Variants in MYO3A observed in about 807,000 individuals in gnomAD.
The protein encoded by MYO3A is myosin IIIA.
In MYO3A, 180 loss-of-function variants were observed where a neutral mutation model predicts 192.7. The observed-to-expected ratio is 0.93, with a 90% confidence interval of 0.83 to 1.06. MYO3A has a LOEUF of 1.06. MYO3A is among the 50% of genes least tolerant of loss of function. The pLI is 0.00. For missense variants in MYO3A, 1,896 were observed against 1,905.0 expected (o/e 1.00, Z 0.09); for synonymous variants, 628 against 645.3 (o/e 0.97, Z 0.41).
At chr10:26,091,404 T>C (rs1225882281) in intron 15 of MYO3A, among the ~76,000 whole-genome samples, 1 of 152,220 alleles carries the variant, frequency 6.6e-6, no homozygotes, top group East Asian at 1.9e-4. Flanking sequence ...TAAAAGAGGC[T>C]ACTTAATTTC....
At chr10:26,159,203 G>A (rs1011831408) in intron 26 of MYO3A, among the ~76,000 whole-genome samples, 4 of 150,940 alleles carry the variant, frequency 2.7e-5, no homozygotes, top group African/African-American at 9.7e-5. Context: ...TTTTAGCCAG[G>A]ATGGTCTCCA....
chr10:25,985,864 TACCAAA>T (rs1403585109), intron 4 of MYO3A, among the ~76,000 whole-genome samples: 1 of 152,140 alleles, frequency 6.6e-6, no homozygotes, highest in Non-Finnish European at 1.5e-5. Flanking sequence ...ATCACCCTAA[TACCAAA>T]ACCAGGGTAG....
intron 4 of MYO3A, among the ~76,000 whole-genome samples, chr10:25,955,438 G>A (rs542331009): frequency 6.6e-5 from 10 of 152,194 alleles, no homozygotes; most frequent in African/African-American, 1.9e-4. Flanking sequence ...TGTCTTTATT[G>A]AATGCTAATG....
chr10:26,206,772 G>T (rs1397239671), intron 34 of MYO3A, among the ~76,000 whole-genome samples: 1 of 152,132 alleles, frequency 6.6e-6, no homozygotes, highest in Non-Finnish European at 1.5e-5. Context: ...TTAAGGAACT[G>T]CCATACTGTT....
At chr10:26,142,818 C>G (rs1840238859) in intron 20 of MYO3A, among the ~76,000 whole-genome samples, 1 of 152,106 alleles carries the variant, frequency 6.6e-6, no homozygotes, top group Non-Finnish European at 1.5e-5. Flanking sequence ...GAAAGTATAC[C>G]TCTAAGATGT....
intron 14 of MYO3A, among the ~76,000 whole-genome samples, chr10:26,082,505 G>A (rs1419546459): frequency 6.6e-6 from 1 of 152,064 alleles, no homozygotes; most frequent in African/African-American, 2.4e-5. Context: ...TTACAGGTAG[G>A]ATCATGTTAT....
At chr10:25,957,258 A>C (rs1837612974) in intron 4 of MYO3A, among the ~76,000 whole-genome samples, 2 of 152,040 alleles carry the variant, frequency 1.3e-5, no homozygotes, top group South Asian at 4.1e-4. Flanking sequence ...TGGTATTCTC[A>C]TGATAGTGAA....
chr10:26,166,261 G>A, intron 27 of MYO3A, 83 bp downstream of exon 27: 1 of 1,207,002 alleles, frequency 8.3e-7, no homozygotes, highest in Non-Finnish European at 1.2e-6. Context: ...ATGTTTGAAA[G>A]TATGGTTTTT....
intron 8 of MYO3A, chr10:26,022,617 G>GA (rs909458877): frequency 6.6e-6 from 1 of 152,078 alleles, no homozygotes; most frequent in Non-Finnish European, 1.5e-5. Context: ...GAAAAGAATG[G>GA]AAAACCTCTA....
chr10:25,957,549 T>A (rs750341041), intron 4 of MYO3A, among the ~76,000 whole-genome samples: 9 of 152,210 alleles, frequency 5.9e-5, no homozygotes, highest in Non-Finnish European at 1.0e-4. Context: ...GCAATGAACA[T>A]ACATGTGTCT....
At chr10:25,946,657 A>T (rs1472309433) in intron 2 of MYO3A, among the ~76,000 whole-genome samples, 11 of 151,442 alleles carry the variant, frequency 7.3e-5, no homozygotes. Flanking sequence ...AGGCGGGTGG[A>T]TCACGAGGTC....
chr10:26,148,877 G>A (rs1350480042), intron 23 of MYO3A, among the ~76,000 whole-genome samples: 1 of 151,796 alleles, frequency 6.6e-6, no homozygotes, highest in Admixed American at 6.6e-5. Context: ...GCTTTTTTTT[G>A]TTAATTCCAA....
At chr10:26,058,484 G>A (rs1359362258) in intron 10 of MYO3A, among the ~76,000 whole-genome samples, 1 of 152,090 alleles carries the variant, frequency 6.6e-6, no homozygotes, top group Non-Finnish European at 1.5e-5. Context: ...TACTCATTTG[G>A]GTAGAAAGAA....
intron 18 of MYO3A, among the ~76,000 whole-genome samples, chr10:26,123,653 C>G (rs899311962): frequency 6.6e-6 from 1 of 152,018 alleles, no homozygotes; most frequent in African/African-American, 2.4e-5. Flanking sequence ...TCAGCCAGGC[C>G]CAGTGGCTCA....
chr10:26,119,871 T>C (rs895770595), intron 17 of MYO3A, among the ~76,000 whole-genome samples: 9 of 152,162 alleles, frequency 5.9e-5, no homozygotes, highest in Non-Finnish European at 1.2e-4. Flanking sequence ...AAAATTCTTA[T>C]GTGGCCTGGC....
chr10:26,025,231 T>C (rs1038416144), intron 9 of MYO3A, among the ~76,000 whole-genome samples: 1 of 152,224 alleles, frequency 6.6e-6, no homozygotes, highest in Non-Finnish European at 1.5e-5. Flanking sequence ...ATATTTTTGG[T>C]TAAGCTCAAT....
At chr10:26,061,211 G>C (rs528035287) in intron 10 of MYO3A, among the ~76,000 whole-genome samples, 1 of 152,098 alleles carries the variant, frequency 6.6e-6, no homozygotes, top group South Asian at 2.1e-4. Flanking sequence ...TTACAGGTGT[G>C]AGCCACCACG....
intron 4 of MYO3A, among the ~76,000 whole-genome samples, chr10:25,995,235 T>C (rs12258855): frequency 0.096 from 14,550 of 151,014 alleles, 1,234 homozygotes; most frequent in African/African-American, 0.22. Flanking sequence ...CTCTAAACTT[T>C]TCGCTTCATT....
rs1843999176 is a variant in MYO3A, at chr10:26,207,105, AT to A, written c.4730+4002del. On this transcript the variant is annotated intron_variant, in intron 34 of 34. Transcript: ENST00000642920. ...CTAAGTTGTATCAGTTTCCTTATAT[AT>A]TTTGGATATTAACCACTTACTAGAT... Among the ~76,000 whole-genome samples, 3 of 148,112 alleles carry A rather than the reference AT, an allele frequency of 2.0e-5. No individual in the cohort carries two copies. In the South Asian group the frequency reaches 6.4e-4, roughly 32 times the overall value.
Sources: allele counts gnomAD v4.1 joint callset (sites outside exome capture counted in the v4.1 genomes callset), GRCh38; gene constraint gnomAD v4.1.1; transcripts MANE v1.5; gene names NCBI Gene and HGNC (gene_info 2026-07-23, HGNC 2026-07-21).